RIPOR2: variants seen among roughly 807,000 people sequenced by gnomAD.
The protein encoded by RIPOR2 is rho family-interacting cell polarization regulator 2.
In RIPOR2, 39 loss-of-function variants were observed where a neutral mutation model predicts 114.5. That is an observed-to-expected ratio of 0.34 (90% CI 0.26 to 0.44). The LOEUF (loss-of-function observed/expected upper bound fraction) is 0.44. Among genes scored for constraint, RIPOR2 ranks in the 20% least tolerant of loss-of-function variants. RIPOR2 has a pLI of 1.00. For missense variants in RIPOR2, 1,007 were observed against 1,255.1 expected, an observed-to-expected ratio of 0.80 and a Z score of 2.99; for synonymous variants, 445 against 484.4, an observed-to-expected ratio of 0.92 and a Z score of 1.07.
intron 18 of RIPOR2, among the ~76,000 whole-genome samples, chr6:24,825,925 CTT>C (rs11454820): frequency 2.4e-5 from 3 of 126,286 alleles, no homozygotes; most frequent in Non-Finnish European, 1.6e-5. Context: ...ATGTTTTTCT[CTT>C]TTTTTTTTTT....
At chr6:24,911,467 G>C (rs961325729) in intron 1 of RIPOR2, among the ~76,000 whole-genome samples, 1 of 152,156 alleles carries the variant, frequency 6.6e-6, no homozygotes, top group African/African-American at 2.4e-5. Context: ...AAATGAGGCG[G>C]TGGTGTATGG....
intron 8 of RIPOR2, among the ~76,000 whole-genome samples, chr6:24,854,124 GAAA>G (rs56203816): frequency 3.5e-5 from 3 of 86,436 alleles, no homozygotes; most frequent in Admixed American, 1.3e-4. Flanking sequence ...GTCTGAAAAA[GAAA>G]AAAAAAAAAA....
intron 1 of RIPOR2, among the ~76,000 whole-genome samples, chr6:25,040,415 C>T (rs1230632002): frequency 6.6e-6 from 1 of 151,866 alleles, no homozygotes; most frequent in Non-Finnish European, 1.5e-5. Context: ...CGCGCCCGGC[C>T]TGTGTGATGG....
chr6:24,859,165 C>G (rs577610992), intron 8 of RIPOR2, among the ~76,000 whole-genome samples: 2 of 152,286 alleles, frequency 1.3e-5, no homozygotes, highest in East Asian at 3.9e-4. Context: ...TATTTCCCAT[C>G]TGTAAAATCA....
At chr6:24,824,231 C>T (rs571952921) in intron 19 of RIPOR2, among the ~76,000 whole-genome samples, 50 of 152,294 alleles carry the variant, frequency 3.3e-4, no homozygotes, top group African/African-American at 1.2e-3. Flanking sequence ...TGAGAGTGGT[C>T]AGCCCACAGA....
At chr6:25,041,698 CAAA>C in intron 1 of RIPOR2, 7 of 582,932 alleles carry the variant, frequency 1.2e-5, no homozygotes, top group Admixed American at 6.4e-5. Flanking sequence ...AAAAAAATAC[CAAA>C]GTCCATTGGA....
chr6:24,967,017 C>A (rs1309072751), intron 1 of RIPOR2, among the ~76,000 whole-genome samples: 1 of 152,188 alleles, frequency 6.6e-6, no homozygotes, highest in Non-Finnish European at 1.5e-5. Context: ...AGTGCGGACA[C>A]GGACAGAATG....
chr6:24,986,527 T>C (rs992575472), intron 1 of RIPOR2, among the ~76,000 whole-genome samples: 2 of 152,094 alleles, frequency 1.3e-5, no homozygotes, highest in African/African-American at 4.8e-5. Flanking sequence ...AACCAAATAA[T>C]GTAGTTGCCA....
rs200009418 is a variant in RIPOR2 at position 24,973,764 on chromosome 6, C to CA, written c.76+68086dup. ...TACACCATGGAATACAATGCAGCCACAAAAAAAGAATTAAATCATGTCCTT... is the reference window on the plus strand; with the variant it reads ...TACACCATGGAATACAATGCAGCCACAAAAAAAAGAATTAAATCATGTCCTT... On this transcript the variant is annotated intron_variant, in intron 1 of 13. Coordinates refer to the RIPOR2 transcript ENST00000510784. Among the ~76,000 whole-genome samples, 1,136 of 151,938 alleles carry CA rather than the reference C, an allele frequency of 7.5e-3. 13 individuals carry two copies. The highest frequency in any genetic ancestry group is 0.024 in the African/African-American group (986 of 41,432).
intron 19 of RIPOR2, among the ~76,000 whole-genome samples, chr6:24,820,495 A>T (rs1013795514): frequency 6.6e-6 from 1 of 152,212 alleles, no homozygotes; most frequent in Non-Finnish European, 1.5e-5. Context: ...CCCAAAAAGA[A>T]ATCCTGTACC....
intron 1 of RIPOR2, among the ~76,000 whole-genome samples, chr6:24,911,616 G>C (rs1407269107): frequency 6.6e-6 from 1 of 152,160 alleles, no homozygotes; most frequent in Admixed American, 6.5e-5. Context: ...ATGGCAGAAA[G>C]AGAATTGTTT....
At chr6:24,897,906 C>T (rs142992017) in intron 1 of RIPOR2, among the ~76,000 whole-genome samples, 4,456 of 152,058 alleles carry the variant, frequency 0.029, 204 homozygotes, top group African/African-American at 0.098. Flanking sequence ...ACTACAGGCA[C>T]GCACCACCAT....
intron 19 of RIPOR2, among the ~76,000 whole-genome samples, chr6:24,824,523 G>C (rs1759987842): frequency 6.6e-6 from 1 of 152,172 alleles, no homozygotes; most frequent in Non-Finnish European, 1.5e-5. Context: ...AAATTGTAAA[G>C]GGCTCCCAGG....
At chr6:24,982,739 G>T (rs903491847) in intron 1 of RIPOR2, among the ~76,000 whole-genome samples, 2 of 152,080 alleles carry the variant, frequency 1.3e-5, no homozygotes, top group Non-Finnish European at 2.9e-5. Flanking sequence ...CACTAAAAAC[G>T]ATCTAATATT....
rs869301317 is a variant in RIPOR2, at chr6:25,015,896, G to GTTTTTTTTTTTTTTTTTT, written c.76+25937_76+25954dup. 5.2e-4 allele frequency: 24 copies of GTTTTTTTTTTTTTTTTTT among 45,860 alleles called. 6 individuals are homozygous for GTTTTTTTTTTTTTTTTTT. Among genetic ancestry groups the GTTTTTTTTTTTTTTTTTT allele is most frequent in the African/African-American group, 1.2e-3 (17 of 14,092 alleles). The allele number at this position is 45,860 out of a possible 1,614,324, so 2.8% of individuals were successfully genotyped here. ...TCCCCTTAAAAACGCAGGTTTTTTG[G>GTTTTTTTTTTTTTTTTTT]TTTTTTTTTTTTTTTTTTTTTTTTT... On this transcript the variant is annotated intron_variant, in intron 1 of 13. Coordinates refer to the RIPOR2 transcript ENST00000510784.
rs1479511672 is a variant in RIPOR2 at position 24,935,953 on chromosome 6, G to T, written c.-55C>A. 8 of 1,318,022 alleles carry T rather than the reference G, an allele frequency of 6.1e-6. No homozygotes were observed. Among genetic ancestry groups the T allele is most frequent in the African/African-American group, 1.5e-5 (1 of 68,664 alleles). The allele number at this position is 1,318,022 out of a possible 1,614,324, so 81.6% of individuals were successfully genotyped here. A position where few individuals can be genotyped will look rare whatever the true frequency, so the allele number is the denominator to read the frequency against. ...GGCAGCAGCCCCGGCAGTCTCAGCA[G>T]TCACACTGCCGACCGAGGTGATTTC... On this transcript the variant is annotated 5_prime_UTR_variant, in exon 1 of 22. It adds an upstream start codon to the 5' untranslated region. Coordinates refer to ENST00000643898, the MANE Select transcript of RIPOR2 (RefSeq NM_001286445.3).
At chr6:25,009,314 T>G (rs1775685858) in intron 1 of RIPOR2, among the ~76,000 whole-genome samples, 1 of 152,216 alleles carries the variant, frequency 6.6e-6, no homozygotes, top group African/African-American at 2.4e-5. Context: ...GATTAGCAGT[T>G]TCTCTGAATT....
chr6:25,010,709 A>G (rs1561841918), intron 1 of RIPOR2, among the ~76,000 whole-genome samples: 3 of 152,184 alleles, frequency 2.0e-5, no homozygotes, highest in Admixed American at 2.0e-4. Flanking sequence ...GGCAAGCAGG[A>G]AAGAAAAGAT....
rs758321324 is a variant in RIPOR2 at position 24,992,194 on chromosome 6, ATCCT to A, written c.76+49653_76+49656del. ...ACAAAACAAGGTACTATAGGAGGAGATCCTTCCTTTGGAGTCCACTTGGCTTGAG... is the reference window on the plus strand; with the variant it reads ...ACAAAACAAGGTACTATAGGAGGAGATCCTTTGGAGTCCACTTGGCTTGAG... On this transcript the variant is annotated intron_variant, in intron 1 of 13. Transcript: ENST00000510784. Among the ~76,000 whole-genome samples, 22 of 152,134 alleles carry A rather than the reference ATCCT, an allele frequency of 1.4e-4. 1 individual carries two copies. Among genetic ancestry groups the A allele is most frequent in the Admixed American group, 3.3e-4 (5 of 15,270 alleles).
Sources: allele counts gnomAD v4.1 joint callset (sites outside exome capture counted in the v4.1 genomes callset), GRCh38; gene constraint gnomAD v4.1.1; transcripts MANE v1.5; gene names NCBI Gene and HGNC (gene_info 2026-07-23, HGNC 2026-07-21).